Variants in ARHGAP5 observed in about 807,000 individuals in gnomAD.
ARHGAP5 encodes the protein Rho GTPase activating protein 5.
In ARHGAP5, 23 loss-of-function variants were observed where a neutral mutation model predicts 116.6. The ratio of observed to expected loss-of-function variants is 0.20; its 90% confidence interval spans 0.14 to 0.28. ARHGAP5 has a LOEUF of 0.28. ARHGAP5 is among the 10% of genes least tolerant of loss of function. The pLI is 1.00. For missense variants in ARHGAP5, 1,405 were observed against 1,774.8 expected (o/e 0.79, Z 3.74); for synonymous variants, 574 against 602.0 (o/e 0.95, Z 0.68).
chr14:32,122,637 G>C (rs1029870282), intron 3 of ARHGAP5, among the ~76,000 whole-genome samples: 2 of 152,220 alleles, frequency 1.3e-5, no homozygotes, highest in Middle Eastern at 3.4e-3. Context: ...GAGTTTTACG[G>C]TTTTATCACA....
chr14:32,128,617 G>A (rs924390703), intron 3 of ARHGAP5, among the ~76,000 whole-genome samples: 3 of 152,196 alleles, frequency 2.0e-5, no homozygotes, highest in Non-Finnish European at 2.9e-5. Flanking sequence ...TGGGCTCGCC[G>A]CGCCTGGCCG....
In ARHGAP5 at chr14:32,121,948, G is replaced by A. The variant is rs112121599; in HGVS notation, c.3865+4661G>A. ...TTTTATTGCTGAATAATTTTACATT[G>A]ATGGACACTTGGTTTGTTTCTACTT... On this transcript the variant is annotated intron_variant, in intron 3 of 6. Coordinates refer to ENST00000345122, the MANE Select transcript of ARHGAP5 (RefSeq NM_001030055.2). 2.2e-3 allele frequency among the ~76,000 whole-genome samples: 331 copies of A among 152,280 alleles called. 1 individual carries two copies. Among genetic ancestry groups the A allele is most frequent in the African/African-American group, 7.6e-3 (314 of 41,552 alleles).
intron 3 of ARHGAP5, among the ~76,000 whole-genome samples, chr14:32,128,714 T>A (rs971029844): frequency 6.6e-6 from 1 of 152,248 alleles, no homozygotes; most frequent in Non-Finnish European, 1.5e-5. Context: ...CTGGAATAAA[T>A]GCTTTTGGGA....
At chr14:32,151,071 A>G (rs1566686353) in intron 5 of ARHGAP5, among the ~76,000 whole-genome samples, 1 of 152,010 alleles carries the variant, frequency 6.6e-6, no homozygotes, top group Non-Finnish European at 1.5e-5. Flanking sequence ...TCTTTTTTTT[A>G]ATTCTGTATA....
chr14:32,085,810 A>G (rs532895019), intron 1 of ARHGAP5, among the ~76,000 whole-genome samples: 1 of 152,216 alleles, frequency 6.6e-6, no homozygotes, highest in African/African-American at 2.4e-5. Flanking sequence ...TGAATTAACT[A>G]TATTTGGGGT....
chr14:32,094,107 G>A lies in ARHGAP5; in HGVS notation c.3438G>A (p.Gly1146=). ...CTGATAGAACCTCAAAAAGTCATGG[G>A]GAACGGAGGCCTTCAAAATACAAAT... ...GFSDRTSKSH[G]ERRPSKYKYK... The change falls in exon 2 of 7, where the codon GGG becomes GGA. Residue 1146 remains glycine (G), a synonymous_variant. Coordinates refer to ENST00000345122, the MANE Select transcript of ARHGAP5 (RefSeq NM_001030055.2). The A allele has an allele frequency of 6.2e-7, 1 of 1,614,010 alleles. No individual in the cohort carries two copies. Among genetic ancestry groups the A allele is most frequent in the Non-Finnish European group, 8.5e-7 (1 of 1,179,984 alleles).
intron 3 of ARHGAP5, among the ~76,000 whole-genome samples, chr14:32,146,050 A>T (rs1442695259): frequency 1.3e-5 from 2 of 152,014 alleles, no homozygotes; most frequent in Non-Finnish European, 2.9e-5. Flanking sequence ...CTGGGGCTAC[A>T]GGTGCATGCC....
At chr14:32,094,783 C>G (rs1878440493) in intron 2 of ARHGAP5, among the ~76,000 whole-genome samples, 1 of 152,088 alleles carries the variant, frequency 6.6e-6, no homozygotes, top group Non-Finnish European at 1.5e-5. Context: ...AAAATTGTAA[C>G]AGTTTACAGT....
At position 32,092,506 on chromosome 14, in the gene ARHGAP5, G is replaced by A; in HGVS notation, c.1837G>A (p.Glu613Lys). ...KDGLAQELANEIRTQSTDDEY... is the reference protein window; with the variant it reads ...KDGLAQELANKIRTQSTDDEY... ...TGGCCTTGCCCAAGAACTAGCAAAT[G>A]AGATAAGGACACAATCCACTGATGA... The change falls in exon 2 of 7, where the codon GAG (glutamate) becomes AAG (lysine). Residue 613 changes from glutamate to lysine, a missense_variant. Physicochemically the swap from Glu to Lys is moderately conservative, Grantham distance 56. Coordinates refer to ENST00000345122, the MANE Select transcript of ARHGAP5 (RefSeq NM_001030055.2). This position sits in a 1 kb window ranked among gnomAD's most constrained non-coding sequence, Gnocchi z 4.1. 1 of 1,613,848 alleles carries A rather than the reference G, an allele frequency of 6.2e-7. No homozygotes were observed. The highest frequency in any genetic ancestry group is 2.2e-5 in the East Asian group (1 of 44,892).
chr14:32,138,565 T>C (rs1880933571), intron 3 of ARHGAP5, among the ~76,000 whole-genome samples: 1 of 152,222 alleles, frequency 6.6e-6, no homozygotes, highest in Non-Finnish European at 1.5e-5. Flanking sequence ...ATTACAGGCG[T>C]GAGCCACTGC....
chr14:32,102,266 T>C (rs1048765255), intron 2 of ARHGAP5, among the ~76,000 whole-genome samples: 2 of 152,360 alleles, frequency 1.3e-5, no homozygotes, highest in East Asian at 3.9e-4. Context: ...AAAGGTTTTT[T>C]TCTAGACCCT....
intron 1 of ARHGAP5, among the ~76,000 whole-genome samples, chr14:32,087,846 A>T (rs1429456952): frequency 6.6e-6 from 1 of 152,018 alleles, no homozygotes; most frequent in African/African-American, 2.4e-5. Context: ...GCCACTGTCA[A>T]ATTAATTAGG....
intron 3 of ARHGAP5, among the ~76,000 whole-genome samples, chr14:32,132,858 CTTGT>C (rs1213778891): frequency 6.6e-6 from 1 of 152,116 alleles, no homozygotes; most frequent in East Asian, 1.9e-4. Flanking sequence ...TTCCCCATTG[CTTGT>C]TTTTGTCAGG....
rs1206854994 is a variant in ARHGAP5, at chr14:32,156,032, T to G, written c.*1084T>G. Reference sequence around the variant, plus strand: ...GGTACTGACAGACTCTTTGGAGTGTTTATATTACAAATTTGTATTCATATT... The same window carrying G: ...GGTACTGACAGACTCTTTGGAGTGTGTATATTACAAATTTGTATTCATATT... On this transcript the variant is annotated 3_prime_UTR_variant, in exon 7 of 7. Transcript: ENST00000345122. The G allele has an allele frequency of 6.6e-6, 1 of 152,506 alleles. No homozygotes were observed. The highest frequency in any genetic ancestry group is 1.5e-5 in the Non-Finnish European group (1 of 67,934). 9.4% of individuals were successfully genotyped at this position (152,506 alleles called of 1,614,324 possible).
intron 2 of ARHGAP5, among the ~76,000 whole-genome samples, chr14:32,108,293 T>A (rs1879111864): frequency 6.6e-6 from 1 of 151,950 alleles, no homozygotes; most frequent in Admixed American, 6.6e-5. Flanking sequence ...AGGAGGGTTT[T>A]TGTGTTTGTT....
chr14:32,113,180 C>G (rs1054143682), intron 2 of ARHGAP5, among the ~76,000 whole-genome samples: 4 of 152,092 alleles, frequency 2.6e-5, no homozygotes, highest in African/African-American at 9.7e-5. Context: ...GAGAGTTTTT[C>G]AAAAGTCACA....
chr14:32,153,446 A>AAAAAAAAAAT (rs1881748200), intron 6 of ARHGAP5, among the ~76,000 whole-genome samples: 2 of 99,928 alleles, frequency 2.0e-5, no homozygotes, highest in Admixed American at 1.3e-4. Context: ...AAAAAAAAAA[A>AAAAAAAAAAT]GATTGTTTTA....
chr14:32,138,290 TG>T (rs1355389310), intron 3 of ARHGAP5, among the ~76,000 whole-genome samples: 1 of 152,194 alleles, frequency 6.6e-6, no homozygotes, highest in Non-Finnish European at 1.5e-5. Flanking sequence ...GTTTGTGGTT[TG>T]TTTTGTTTTT....
intron 2 of ARHGAP5, among the ~76,000 whole-genome samples, chr14:32,115,569 G>A (rs548615554): frequency 6.6e-6 from 1 of 151,720 alleles, no homozygotes; most frequent in East Asian, 1.9e-4. Context: ...AGGAGGCTGA[G>A]GCAGGAGAGT....
Sources: gnomAD v4.1 joint callset for allele counts (sites outside exome capture counted in the v4.1 genomes callset) on GRCh38, gnomAD v4.1.1 for gene constraint, Gnocchi (gnomAD v3.1) non-coding constraint, MANE v1.5 for transcripts, NCBI Gene and HGNC (gene_info 2026-07-23, HGNC 2026-07-21) for gene names.